The following STAG3 variants were observed in gnomAD, a reference collection of about 807,000 sequenced individuals.
STAG3 encodes the protein STAG3 cohesin complex component, also known as cohesin subunit SA-3.
Under a neutral mutation model 160.7 loss-of-function variants are expected in STAG3, and 101 were observed. The observed-to-expected ratio is 0.63, with a 90% confidence interval of 0.54 to 0.74. The LOEUF is 0.74. Ranked by LOEUF, STAG3 falls within the 30% of genes least tolerant of loss-of-function variation. STAG3 has a pLI of 0.00. For missense variants in STAG3, 1,188 were observed against 1,517.4 expected (o/e 0.78, Z 3.61); for synonymous variants, 519 against 585.0 (o/e 0.89, Z 1.63).
chr7:100,207,854 C>T lies in STAG3; in HGVS notation c.3238+2470C>T, dbSNP rs1257381101. Among the ~76,000 whole-genome samples the T allele has an allele frequency of 1.3e-5, 2 of 152,176 alleles. No individual in the cohort carries two copies. Among genetic ancestry groups the T allele is most frequent in the South Asian group, 2.1e-4 (1 of 4,828 alleles). Reference sequence around the variant, plus strand: ...AGTTTTAGCCGGGCATGGTGGCTCACGCCTGTAATCCCAGCACTTTGGGAG... The same window carrying T: ...AGTTTTAGCCGGGCATGGTGGCTCATGCCTGTAATCCCAGCACTTTGGGAG... On this transcript the variant is annotated intron_variant, in intron 29 of 33. Coordinates refer to ENST00000615138, the MANE Select transcript of STAG3 (RefSeq NM_001282717.2). The surrounding 1 kb of genome is among the most constrained non-coding windows in gnomAD (Gnocchi z 4.0).
rs192985128 is a variant in STAG3, at chr7:100,212,977, C to G, written c.3601-758C>G. 1.4e-3 allele frequency: 221 copies of G among 154,372 alleles called. 4 individuals carry two copies. In the South Asian group the frequency reaches 0.026, roughly 18 times the overall value. The allele number at this position is 154,372 out of a possible 1,614,324, so 9.6% of individuals were successfully genotyped here. ...CCTTATAAATGGAAAAGGGCTATGT[C>G]TGAGTTCAGGCTACTGTAACAGAAT... is the stretch of plus-strand genomic sequence containing the variant. On this transcript the variant is annotated intron_variant, in intron 32 of 33. Coordinates refer to ENST00000615138, the MANE Select transcript of STAG3 (RefSeq NM_001282717.2).
chr7:100,180,349 G>A (rs1440192331), intron 1 of STAG3, 144 bp from the exon 2 acceptor site: 5 of 485,122 alleles, frequency 1.0e-5, no homozygotes, highest in African/African-American at 3.9e-5. Context: ...CATGAGCCAC[G>A]GTGCCCAGCC....
Position 100,198,467 on chromosome 7 carries a change from G to T in STAG3, c.1245-8G>T. The T allele has an allele frequency of 6.2e-7, 1 of 1,614,056 alleles. No homozygotes were observed. Among genetic ancestry groups the T allele is most frequent in the Non-Finnish European group, 8.5e-7 (1 of 1,179,968 alleles). The stretch of plus-strand genomic sequence containing the variant: ...ATTCACATACTCTTTCTGCTTTTCT[G>T]TGGGCAGGAACATGGAAGGGGTGCT... On this transcript the variant is annotated splice_region_variant and splice_polypyrimidine_tract_variant and intron_variant, in intron 12 of 33. Coordinates refer to ENST00000615138, the MANE Select transcript of STAG3 (RefSeq NM_001282717.2).
At position 100,209,715 on chromosome 7, in the gene STAG3, G is replaced by C. The variant is rs999845807; in HGVS notation, c.3239-1296G>C. Reference sequence around the variant, plus strand: ...TTCTTAGGCCGGGGGCAATGGTGGAGGTGCCGAGAAACGGCCAGATTCTGG... The same window carrying C: ...TTCTTAGGCCGGGGGCAATGGTGGACGTGCCGAGAAACGGCCAGATTCTGG... On this transcript the variant is annotated intron_variant, in intron 29 of 33. Coordinates refer to ENST00000615138, the MANE Select transcript of STAG3 (RefSeq NM_001282717.2). Among the ~76,000 whole-genome samples, 5 of 152,182 alleles carry C rather than the reference G, an allele frequency of 3.3e-5. 1 individual carries two copies. The highest frequency in any genetic ancestry group is 1.2e-4 in the African/African-American group (5 of 41,438).
rs574766247 is a variant in STAG3 at position 100,197,992 on chromosome 7, A to G, written c.1165-95A>G. On this transcript the variant is annotated intron_variant, in intron 11 of 33. Transcript: ENST00000615138. The stretch of plus-strand genomic sequence containing the variant: ...CTTGGCTATCCCAGCATCTGCCTCT[A>G]CGTAGGCACTCTCTTTAGGAGTCTC... The G allele has an allele frequency of 2.0e-5, 30 of 1,489,368 alleles. No individual in the cohort carries two copies. In the African/African-American group the frequency reaches 3.3e-4, roughly 16 times the overall value. The allele number at this position is 1,489,368 out of a possible 1,614,324, so 92.3% of individuals were successfully genotyped here. A position where few individuals can be genotyped will look rare whatever the true frequency, so the allele number is the denominator to read the frequency against.
intron 20 of STAG3, 45 bp downstream of exon 20, chr7:100,201,205 C>T: frequency 6.2e-7 from 1 of 1,613,778 alleles, no homozygotes; most frequent in Non-Finnish European, 8.5e-7. Context: ...TTACTGGTGT[C>T]TGTGGAGTTG....
Position 100,211,151 on chromosome 7 carries a change from G to A in STAG3, c.3379G>A (p.Glu1127Lys). Residue 1127 changes from glutamate to lysine, a missense_variant, in exon 30 of 34, where the codon GAA (glutamate) becomes AAA (lysine). Around this residue, in one of 4 missense-constraint regions of STAG3, gnomAD observed 647 missense variants for 717.2 expected, o/e 0.90. Coordinates refer to ENST00000615138, the MANE Select transcript of STAG3 (RefSeq NM_001282717.2). ...CCTGTGGGGGTTGAAAGAGATGGAG[G>A]AAGAAGATGGCTCAGAGTTGGATTT... ...QPLWGLKEME[E>K]EDGSELDFAQ... 6.3e-7 allele frequency: 1 copy of A among 1,599,836 alleles called. No individual in the cohort carries two copies. The highest frequency in any genetic ancestry group is 8.5e-7 in the Non-Finnish European group (1 of 1,173,290).
intron 4 of STAG3, among the ~76,000 whole-genome samples, chr7:100,185,471 G>A (rs748118861): frequency 1.1e-4 from 16 of 151,770 alleles, no homozygotes; most frequent in East Asian, 1.9e-4. Flanking sequence ...GCGTGGTGGC[G>A]CACACCTGTA....
At chr7:100,210,240 A>AC (rs1447262336) in intron 29 of STAG3, among the ~76,000 whole-genome samples, 2 of 152,192 alleles carry the variant, frequency 1.3e-5, no homozygotes, top group Admixed American at 1.3e-4. Flanking sequence ...CTCTGCTTAA[A>AC]CCCATAGGCT....
In STAG3 at chr7:100,202,538, A is replaced by G; in HGVS notation, c.2648A>G (p.Tyr883Cys). 6.2e-7 allele frequency: 1 copy of G among 1,614,186 alleles called. No homozygotes were observed. The highest frequency in any genetic ancestry group is 1.1e-5 in the South Asian group (1 of 91,090). Residue 883 changes from tyrosine (Y) to cysteine (C), a missense_variant, in exon 25 of 34, where the codon TAT becomes TGT. Transcript: ENST00000615138. ...LLAGFCKLLL[Y>C]GVLEMDAASD... The stretch of plus-strand genomic sequence containing the variant: ...GCCGGGTTCTGCAAGCTGTTGCTTT[A>G]TGGGGTGCTGGAGATGGATGCAGCC...
intron 8 of STAG3, 137 bp downstream of exon 8, chr7:100,189,733 C>G (rs1277286178): frequency 3.2e-6 from 3 of 947,460 alleles, no homozygotes; most frequent in Non-Finnish European, 4.7e-6. Context: ...ATAGACCCAT[C>G]CTGTAAGGGG....
rs773475273 is a variant in STAG3, at chr7:100,211,905, C to G, written c.3600+29C>G. The G allele has an allele frequency of 2.5e-6, 4 of 1,605,936 alleles. No homozygotes were observed. In the African/African-American group the frequency reaches 4.0e-5, roughly 16 times the overall value. ...AGTAGACCACCCTGCCCTTCTCTCT[C>G]AAGAACTAGGGGCTGATGTGCCAAA... On this transcript the variant is annotated intron_variant, in intron 32 of 33. Coordinates refer to ENST00000615138, the MANE Select transcript of STAG3 (RefSeq NM_001282717.2).
At chr7:100,195,644 C>T (rs937165170) in intron 9 of STAG3, among the ~76,000 whole-genome samples, 1 of 152,108 alleles carries the variant, frequency 6.6e-6, no homozygotes, top group African/African-American at 2.4e-5. Context: ...TGGCTTTGCC[C>T]CAGATCTGCC....
At chr7:100,212,885 TAAAAA>T (rs202131767) in intron 32 of STAG3, 2 of 151,516 alleles carry the variant, frequency 1.3e-5, no homozygotes, top group African/African-American at 2.4e-5. Flanking sequence ...ACGTGTCTCT[TAAAAA>T]AAAATCAACA....
chr7:100,193,325 C>T (rs769840301), intron 8 of STAG3, among the ~76,000 whole-genome samples: 6 of 152,202 alleles, frequency 3.9e-5, no homozygotes, highest in African/African-American at 1.2e-4. Flanking sequence ...AACTTAAAGT[C>T]AGCAACTGCA....
At chr7:100,185,114 C>T (rs1799910812) in intron 4 of STAG3, among the ~76,000 whole-genome samples, 1 of 152,064 alleles carries the variant, frequency 6.6e-6, no homozygotes, top group Admixed American at 6.6e-5. Flanking sequence ...TCACGGCTCC[C>T]TGCTGGTTTG....
At chr7:100,179,203 T>A (rs1799477914) in intron 1 of STAG3, among the ~76,000 whole-genome samples, 1 of 150,992 alleles carries the variant, frequency 6.6e-6, no homozygotes, top group African/African-American at 2.4e-5. Flanking sequence ...TTTACACTTC[T>A]GAAGCCTCTA....
chr7:100,204,567 ACTT>A, intron 26 of STAG3, 57 bp from the exon 27 acceptor site: 4 of 1,577,206 alleles, frequency 2.5e-6, no homozygotes, highest in Non-Finnish European at 2.6e-6. Context: ...AGAATGCTGG[ACTT>A]CTCTGTTTCC....
chr7:100,213,823 C>G lies in STAG3; in HGVS notation c.3672+17C>G, dbSNP rs376422542. On this transcript the variant is annotated intron_variant, in intron 33 of 33. Coordinates refer to ENST00000615138, the MANE Select transcript of STAG3 (RefSeq NM_001282717.2). ...GATATTGAGGTGAGTGTCCCCAGAG[C>G]AGGAGTTATGTATCCTTCGGAAATG... The G allele has an allele frequency of 3.7e-6, 6 of 1,614,072 alleles. No individual in the cohort carries two copies. In the African/African-American group the frequency reaches 8.0e-5, roughly 22 times the overall value.
Sources: gnomAD v4.1 joint callset for allele counts (sites outside exome capture counted in the v4.1 genomes callset) on GRCh38, gnomAD v4.1.1 for gene constraint, gnomAD v4.1.1 regional missense constraint, Gnocchi (gnomAD v3.1) non-coding constraint, MANE v1.5 for transcripts, NCBI Gene and HGNC (gene_info 2026-07-23, HGNC 2026-07-21) for gene names.